ARHGAP18: variants seen among roughly 807,000 people sequenced by gnomAD.
ARHGAP18 encodes the protein rho GTPase-activating protein 18.
A neutral mutation model predicts 86.2 loss-of-function variants in ARHGAP18; 67 were observed. That is an observed-to-expected ratio of 0.78 (90% CI 0.64 to 0.95). ARHGAP18 has a LOEUF of 0.95. ARHGAP18 is among the 40% of genes least tolerant of loss of function. The pLI is 0.00. For missense variants in ARHGAP18, 691 were observed against 780.4 expected (o/e 0.89, Z 1.37); for synonymous variants, 283 against 280.4 (o/e 1.01, Z -0.09).
chr6:129,578,651 T>C, intron 14 of ARHGAP18, 47 bp from the exon 15 acceptor site: 1 of 1,454,414 alleles, frequency 6.9e-7, no homozygotes, highest in Non-Finnish European at 9.6e-7. Context: ...GGTAGATTGG[T>C]ATGCAATTTT....
chr6:129,657,540 C>A (rs1773865169), intron 1 of ARHGAP18, among the ~76,000 whole-genome samples: 1 of 152,008 alleles, frequency 6.6e-6, no homozygotes, highest in Admixed American at 6.5e-5. Flanking sequence ...TGCTTCTAAG[C>A]ATGAATCCCA....
chr6:129,637,201 T>C (rs1023123241), intron 3 of ARHGAP18, among the ~76,000 whole-genome samples: 9 of 151,756 alleles, frequency 5.9e-5, no homozygotes, highest in Non-Finnish European at 4.4e-5. Context: ...AGTAGCTGGG[T>C]CTACAGGCAC....
intron 12 of ARHGAP18, among the ~76,000 whole-genome samples, chr6:129,588,138 A>G (rs1361367398): frequency 9.5e-6 from 1 of 105,752 alleles, no homozygotes; most frequent in African/African-American, 4.9e-5. Context: ...TTTTTTTTGC[A>G]ATGGAGTCTT....
chr6:129,600,718 T>A lies in ARHGAP18; in HGVS notation c.1496A>T (p.Gln499Leu), dbSNP rs1226769535. 1.9e-6 allele frequency: 3 copies of A among 1,613,790 alleles called. No individual in the cohort carries two copies. Among genetic ancestry groups the A allele is most frequent in the Non-Finnish European group, 8.5e-7 (1 of 1,179,816 alleles). The change falls in exon 11 of 15, where the codon CAG becomes CTG. Residue 499 changes from glutamine (Q) to leucine (L), a missense_variant. Gln to Leu is a moderately radical substitution (Grantham distance 113). Coordinates refer to ENST00000368149, the MANE Select transcript of ARHGAP18 (RefSeq NM_033515.3). ...CCCAGCTGCCATTACAAATTCTCGC[T>A]GTTCACTGGACTTCAATCCCAATGC... ...CHALGLKSSE[Q>L]REFVMAAGTA...
chr6:129,672,217 C>A (rs978111551), intron 1 of ARHGAP18, among the ~76,000 whole-genome samples: 3 of 152,190 alleles, frequency 2.0e-5, no homozygotes, highest in Non-Finnish European at 4.4e-5. Flanking sequence ...CCACCCATCC[C>A]AGGTTCTTCT....
intron 12 of ARHGAP18, among the ~76,000 whole-genome samples, chr6:129,591,886 T>G (rs1167811302): frequency 3.3e-5 from 5 of 152,192 alleles, no homozygotes; most frequent in Non-Finnish European, 7.3e-5. Flanking sequence ...AAATGGTATA[T>G]TCATCACCCT....
rs551615836 is a variant in ARHGAP18 at position 129,576,821 on chromosome 6, C to T, written c.*1692G>A. 1.3e-5 allele frequency: 2 copies of T among 151,814 alleles called. No homozygotes were observed. The highest frequency in any genetic ancestry group is 1.3e-4 in the Admixed American group (2 of 15,240). 9.4% of individuals were successfully genotyped at this position (151,814 alleles called of 1,614,324 possible). On this transcript the variant is annotated 3_prime_UTR_variant, in exon 15 of 15. Coordinates refer to ENST00000368149, the MANE Select transcript of ARHGAP18 (RefSeq NM_033515.3). The stretch of plus-strand genomic sequence containing the variant: ...ATTGTTTTCAACCCACTAATAAGTA[C>T]CATTTTGCTAATTGGGAAATTAATA...
At chr6:129,609,073 G>A (rs1788921023) in intron 8 of ARHGAP18, among the ~76,000 whole-genome samples, 1 of 145,296 alleles carries the variant, frequency 6.9e-6, no homozygotes, top group South Asian at 2.4e-4. Context: ...AGGAAGAGGA[G>A]AGAGAGGGGG....
At chr6:129,684,647 G>C (rs760783063) in intron 1 of ARHGAP18, among the ~76,000 whole-genome samples, 2 of 152,094 alleles carry the variant, frequency 1.3e-5, no homozygotes, top group Non-Finnish European at 2.9e-5. Flanking sequence ...GCACACAGAG[G>C]GTCCTCCAAA....
chr6:129,594,449 C>T (rs1171721913), intron 12 of ARHGAP18, among the ~76,000 whole-genome samples: 4 of 152,162 alleles, frequency 2.6e-5, no homozygotes, highest in African/African-American at 4.8e-5. Flanking sequence ...ACATTGGAAT[C>T]CCCTAGAGAT....
At chr6:129,645,516 C>T (rs1232759028) in intron 1 of ARHGAP18, among the ~76,000 whole-genome samples, 1 of 152,146 alleles carries the variant, frequency 6.6e-6, no homozygotes, top group African/African-American at 2.4e-5. Flanking sequence ...GTGACCCCTC[C>T]CTGACTTTCT....
At position 129,578,611 on chromosome 6, in the gene ARHGAP18, A is replaced by C; in HGVS notation, c.1901-7T>G. 1 of 1,606,110 alleles carries C rather than the reference A, an allele frequency of 6.2e-7. No individual in the cohort carries two copies. Among genetic ancestry groups the C allele is most frequent in the Non-Finnish European group, 8.5e-7 (1 of 1,174,746 alleles). On this transcript the variant is annotated splice_region_variant and splice_polypyrimidine_tract_variant and intron_variant, in intron 14 of 14. Coordinates refer to ENST00000368149, the MANE Select transcript of ARHGAP18 (RefSeq NM_033515.3). The stretch of plus-strand genomic sequence containing the variant: ...TCATCAAGGCAGCGTTCCCCTGTTA[A>C]AATAGATGTTGTGTCAGTTTAATAC...
At chr6:129,690,573 A>G (rs1362118020) in intron 1 of ARHGAP18, among the ~76,000 whole-genome samples, 2 of 152,232 alleles carry the variant, frequency 1.3e-5, no homozygotes, top group Non-Finnish European at 2.9e-5. Flanking sequence ...TATTTCATTT[A>G]CTTTTTCCCA....
chr6:129,638,053 CCTACTT>C (rs1562704602), intron 3 of ARHGAP18, among the ~76,000 whole-genome samples: 3 of 152,168 alleles, frequency 2.0e-5, no homozygotes, highest in Non-Finnish European at 2.9e-5. Flanking sequence ...ATACCCTAAT[CCTACTT>C]TTCTCTAAGT....
chr6:129,638,592 A>AC lies in ARHGAP18; in HGVS notation c.353dup (p.Leu119PhefsTer52). ...CAGACTCTCCGAAGAGATTGGATAA[A>AC]CCGGCCTCTTTAAGCCACTCTTCTT... On this transcript the variant is annotated frameshift_variant, in exon 3 of 15. Coordinates refer to ENST00000368149, the MANE Select transcript of ARHGAP18 (RefSeq NM_033515.3). LOFTEE classifies it high-confidence loss of function. 6.2e-7 allele frequency: 1 copy of AC among 1,614,118 alleles called. No individual in the cohort carries two copies. The highest frequency in any genetic ancestry group is 8.5e-7 in the Non-Finnish European group (1 of 1,180,026).
At position 129,704,701 on chromosome 6, in the gene ARHGAP18, C is replaced by T. The variant is rs75386552; in HGVS notation, c.113+5323G>A. Among the ~76,000 whole-genome samples, 583 of 152,270 alleles carry T rather than the reference C, an allele frequency of 3.8e-3. 4 individuals carry two copies. Among genetic ancestry groups the T allele is most frequent in the African/African-American group, 0.013 (547 of 41,548 alleles). ...AAACCCTGGCCCAAACCACCACTGC[C>T]TTAACCTATTAAGCAGTACCACTGC... On this transcript the variant is annotated intron_variant, in intron 1 of 14. Transcript: ENST00000368149.
chr6:129,617,323 GA>G (rs1789118069), intron 6 of ARHGAP18, among the ~76,000 whole-genome samples: 1 of 152,104 alleles, frequency 6.6e-6, no homozygotes, highest in Non-Finnish European at 1.5e-5. Context: ...CATCAGCATG[GA>G]AATGAAAATC....
In ARHGAP18 at chr6:129,578,693, C is replaced by G. The variant is rs1584015410; in HGVS notation, c.1901-89G>C. The G allele has an allele frequency of 6.4e-6, 7 of 1,093,308 alleles. No individual in the cohort carries two copies. In the East Asian group the frequency reaches 1.6e-4, roughly 25 times the overall value. 67.7% of individuals were successfully genotyped at this position (1,093,308 alleles called of 1,614,324 possible). ...AAGCTTAATTATTTAACTCTTAAGT[C>G]TTGGACTTCAAAATACTTATTCTAC... On this transcript the variant is annotated intron_variant, in intron 14 of 14. Transcript: ENST00000368149.
chr6:129,619,980 G>T (rs1789194202), intron 5 of ARHGAP18, among the ~76,000 whole-genome samples: 1 of 120,556 alleles, frequency 8.3e-6, no homozygotes, highest in Non-Finnish European at 2.0e-5. Flanking sequence ...GCAACAAAAA[G>T]AAGAGGATGG....
Sources: allele counts gnomAD v4.1 joint callset (sites outside exome capture counted in the v4.1 genomes callset), GRCh38; gene constraint gnomAD v4.1.1; transcripts MANE v1.5; gene names NCBI Gene and HGNC (gene_info 2026-07-23, HGNC 2026-07-21).